Variants in MSRA observed in about 807,000 individuals in gnomAD.
MSRA encodes mitochondrial peptide methionine sulfoxide reductase.
In MSRA, 54 loss-of-function variants were observed where a neutral mutation model predicts 31.3. That is an observed-to-expected ratio of 1.73 (90% confidence interval 1.39 to 2.17). The LOEUF (loss-of-function observed/expected upper bound fraction) is 2.17. Among genes scored for constraint, MSRA ranks in the 30% most tolerant of loss-of-function variants. The pLI is 0.00. For missense variants in MSRA, 507 were observed against 300.9 expected (o/e 1.69, Z -5.07); for synonymous variants, 169 against 116.5 (o/e 1.45, Z -2.90).
Position 10,302,526 on chromosome 8 carries a change from T to A in MSRA, c.436+888T>A, listed in dbSNP as rs898070015. Among the ~76,000 whole-genome samples the A allele has an allele frequency of 2.6e-5, 4 of 152,246 alleles. No individual in the cohort carries two copies. The East Asian group carries it at 7.7e-4, about 29-fold the overall frequency. On this transcript the variant is annotated intron_variant, in intron 4 of 5. Transcript: ENST00000317173. ...TTGATGAGTGAAGTTTTTCTCCAAA[T>A]GTAAATTGTGCTTCATGGTGGAATC... is the stretch of plus-strand genomic sequence containing the variant.
intron 2 of MSRA, among the ~76,000 whole-genome samples, chr8:10,228,057 G>T (rs1811152989): frequency 6.6e-6 from 1 of 152,188 alleles, no homozygotes; most frequent in African/African-American, 2.4e-5. Context: ...GACCAGAAGA[G>T]ACTTACTCCA....
chr8:10,062,713 T>C (rs1797268076), intron 1 of MSRA, among the ~76,000 whole-genome samples: 1 of 152,222 alleles, frequency 6.6e-6, no homozygotes, highest in Admixed American at 6.5e-5. Context: ...GGCTCCGGCC[T>C]ACATTTGTGG....
At chr8:10,071,112 C>G (rs981607365) in intron 1 of MSRA, among the ~76,000 whole-genome samples, 6 of 152,188 alleles carry the variant, frequency 3.9e-5, no homozygotes, top group African/African-American at 1.4e-4. Context: ...GTTTGATATT[C>G]CCACCAGCAA....
intron 1 of MSRA, among the ~76,000 whole-genome samples, chr8:10,144,629 T>C (rs1004901803): frequency 6.7e-5 from 10 of 150,080 alleles, no homozygotes; most frequent in Non-Finnish European, 1.3e-4. Context: ...CCTGCTTTTT[T>C]TCCTTGATCT....
At chr8:10,126,994 C>A (rs1801550712) in intron 1 of MSRA, among the ~76,000 whole-genome samples, 1 of 152,230 alleles carries the variant, frequency 6.6e-6, no homozygotes, top group African/African-American at 2.4e-5. Context: ...CAACAGGCCA[C>A]AGCCTGGTCC....
At chr8:10,351,651 A>G (rs1804157175) in intron 5 of MSRA, among the ~76,000 whole-genome samples, 1 of 152,190 alleles carries the variant, frequency 6.6e-6, no homozygotes, top group Non-Finnish European at 1.5e-5. Flanking sequence ...AGGATGGGAG[A>G]TGATTAAACT....
At chr8:10,185,558 T>A (rs1585119181) in intron 1 of MSRA, among the ~76,000 whole-genome samples, 1 of 152,108 alleles carries the variant, frequency 6.6e-6, no homozygotes, top group African/African-American at 2.4e-5. Context: ...TGCTCAAGGG[T>A]GTCTTTGTGA....
chr8:10,412,031 A>G (rs1808189400), intron 5 of MSRA, among the ~76,000 whole-genome samples: 1 of 152,278 alleles, frequency 6.6e-6, no homozygotes, highest in Non-Finnish European at 1.5e-5. Context: ...CTCATTTAAA[A>G]TTACAGCAGA....
At chr8:10,351,917 G>A (rs182037370) in intron 5 of MSRA, among the ~76,000 whole-genome samples, 9 of 152,320 alleles carry the variant, frequency 5.9e-5, no homozygotes, top group African/African-American at 1.4e-4. Flanking sequence ...GCTGTCCGAC[G>A]GCCACATTTA....
At chr8:10,416,743 G>C (rs775228793) in intron 5 of MSRA, among the ~76,000 whole-genome samples, 1 of 152,224 alleles carries the variant, frequency 6.6e-6, no homozygotes, top group African/African-American at 2.4e-5. Flanking sequence ...GATTCGGTAC[G>C]TCTGGGGAAG....
intron 5 of MSRA, among the ~76,000 whole-genome samples, chr8:10,382,261 A>G (rs1806116269): frequency 6.6e-6 from 1 of 152,186 alleles, no homozygotes; most frequent in Non-Finnish European, 1.5e-5. Flanking sequence ...CCAGCAGCCC[A>G]GGAGCCTTCA....
chr8:10,266,657 T>C (rs918106504), intron 3 of MSRA, among the ~76,000 whole-genome samples: 12 of 152,190 alleles, frequency 7.9e-5, no homozygotes, highest in African/African-American at 2.9e-4. Context: ...GAACTATTTG[T>C]CTAACACAAA....
intron 2 of MSRA, among the ~76,000 whole-genome samples, chr8:10,242,929 A>C (rs1014437285): frequency 1.3e-5 from 2 of 151,990 alleles, no homozygotes; most frequent in African/African-American, 4.8e-5. Flanking sequence ...GGCACCCCAG[A>C]CCCTTGCCCA....
intron 2 of MSRA, among the ~76,000 whole-genome samples, chr8:10,237,083 T>G (rs76929943): frequency 0.023 from 3,433 of 152,324 alleles, 137 homozygotes; most frequent in African/African-American, 0.079. Context: ...CACACTAAAA[T>G]CACCTGTTAA....
At chr8:10,226,444 A>G (rs754556211) in intron 2 of MSRA, among the ~76,000 whole-genome samples, 9 of 152,162 alleles carry the variant, frequency 5.9e-5, no homozygotes, top group Admixed American at 1.3e-4. Context: ...TCCCACATCC[A>G]TATGTCCTAC....
At chr8:10,292,949 C>A (rs1800324671) in intron 3 of MSRA, among the ~76,000 whole-genome samples, 1 of 152,130 alleles carries the variant, frequency 6.6e-6, no homozygotes, top group South Asian at 2.1e-4. Flanking sequence ...GCCAAGGGCT[C>A]CTGTAGGCCC....
chr8:10,205,284 G>C (rs1808857234), intron 1 of MSRA, among the ~76,000 whole-genome samples: 1 of 152,252 alleles, frequency 6.6e-6, no homozygotes, highest in South Asian at 2.1e-4. Context: ...GGGCTAGGGA[G>C]GCTTCGGTAA....
chr8:10,055,030 C>G (rs1802256875), intron 1 of MSRA, among the ~76,000 whole-genome samples: 1 of 152,216 alleles, frequency 6.6e-6, no homozygotes, highest in Non-Finnish European at 1.5e-5. Context: ...GCCCTCCTTT[C>G]TTGTCTCCTC....
intron 1 of MSRA, among the ~76,000 whole-genome samples, chr8:10,161,964 C>T (rs1250548095): frequency 2.0e-5 from 3 of 152,212 alleles, no homozygotes; most frequent in Non-Finnish European, 2.9e-5. Flanking sequence ...TACAAGAGCG[C>T]ACTGCATGGT....
Sources: allele counts gnomAD v4.1 joint callset (sites outside exome capture counted in the v4.1 genomes callset), GRCh38; gene constraint gnomAD v4.1.1; transcripts MANE v1.5; gene names NCBI Gene and HGNC (gene_info 2026-07-23, HGNC 2026-07-21).